Variants in MGAT4C observed in about 807,000 individuals in gnomAD.
MGAT4C encodes the protein alpha-1,3-mannosyl-glycoprotein 4-beta-N-acetylglucosaminyltransferase C.
MGAT4C carries 19 observed loss-of-function variants against 40.1 expected under a neutral mutation model. The observed-to-expected ratio is 0.47, with a 90% CI of 0.33 to 0.70. MGAT4C has a LOEUF of 0.70. Ranked by LOEUF, MGAT4C falls within the 30% of genes least tolerant of loss-of-function variation. MGAT4C has a pLI of 0.02. For missense variants in MGAT4C, 491 were observed against 563.2 expected (o/e 0.87, Z 1.30); for synonymous variants, 181 against 187.1 (o/e 0.97, Z 0.27).
Position 86,232,868 on chromosome 12 carries a change from A to G in MGAT4C, c.-57+23371T>C, listed in dbSNP as rs76495664. ...ACTGGGAATGTCACCACTTGCTAAC[A>G]CAGAACACCTATATCTGGAGTCTGT... On this transcript the variant is annotated intron_variant, in intron 1 of 4. Coordinates refer to ENST00000611864, the MANE Select transcript of MGAT4C (RefSeq NM_001351288.2). Among the ~76,000 whole-genome samples, 191 of 152,324 alleles carry G rather than the reference A, an allele frequency of 1.3e-3. 3 individuals carry two copies. In the East Asian group the frequency reaches 0.026, roughly 20 times the overall value.
chr12:86,065,445 C>G (rs892783786), intron 1 of MGAT4C, among the ~76,000 whole-genome samples: 2 of 152,232 alleles, frequency 1.3e-5, no homozygotes, highest in Middle Eastern at 3.4e-3. Flanking sequence ...ATAAACAGAA[C>G]CAATGACAAA....
rs558959777 is a variant in MGAT4C, at chr12:86,275,895, T to C, written c.-57+58170A>G. 5.3e-5 allele frequency among the ~76,000 whole-genome samples: 7 copies of C among 132,520 alleles called. No individual in the cohort carries two copies. In the Admixed American group the frequency reaches 6.4e-4, roughly 12 times the overall value. The allele number at this position is 132,520 out of a possible 152,430, so 86.9% of individuals were successfully genotyped here. A position where few individuals can be genotyped will look rare whatever the true frequency, so the allele number is the denominator to read the frequency against. ...GGCGGCGGATCACGACGTCAGGAGA[T>C]CGAGACCATTTTGGCTAACACGGTG... On this transcript the variant is annotated intron_variant, in intron 4 of 7. Coordinates refer to the MGAT4C transcript ENST00000548651.
chr12:85,990,483 T>G (rs780954229), intron 2 of MGAT4C, among the ~76,000 whole-genome samples: 12 of 152,166 alleles, frequency 7.9e-5, no homozygotes, highest in Non-Finnish European at 1.8e-4. Flanking sequence ...ATCTTTATGA[T>G]GAAGTATTTA....
At chr12:86,348,905 TTAA>T (rs1955098541) in intron 3 of MGAT4C, among the ~76,000 whole-genome samples, 1 of 152,066 alleles carries the variant, frequency 6.6e-6, no homozygotes, top group Non-Finnish European at 1.5e-5. Flanking sequence ...AGATTTTATT[TTAA>T]ATAATTATTA....
chr12:86,636,632 G>T (rs1161875533), intron 2 of MGAT4C, among the ~76,000 whole-genome samples: 1 of 151,964 alleles, frequency 6.6e-6, no homozygotes, highest in South Asian at 2.1e-4. Flanking sequence ...GATTGGGAAA[G>T]ATATTTTCAG....
At chr12:86,775,518 C>A (rs777647724) in intron 1 of MGAT4C, among the ~76,000 whole-genome samples, 1 of 151,182 alleles carries the variant, frequency 6.6e-6, no homozygotes, top group Non-Finnish European at 1.5e-5. Context: ...CCTGGCTTGC[C>A]AGGAGGTGAA....
At chr12:86,700,174 C>T (rs61949576) in intron 2 of MGAT4C, among the ~76,000 whole-genome samples, 110,267 of 139,868 alleles carry the variant, frequency 0.79, 43,502 homozygotes, top group Middle Eastern at 0.88. Context: ...GACAGACAGA[C>T]AGACAGATAG....
intron 3 of MGAT4C, among the ~76,000 whole-genome samples, chr12:86,376,963 T>C (rs774844917): frequency 1.1e-4 from 17 of 152,098 alleles, no homozygotes; most frequent in Non-Finnish European, 1.9e-4. Flanking sequence ...ACTTTATTCT[T>C]CTCTTCAACC....
chr12:86,384,614 G>A (rs1279097766), intron 3 of MGAT4C, among the ~76,000 whole-genome samples: 4 of 152,086 alleles, frequency 2.6e-5, no homozygotes, highest in Non-Finnish European at 4.4e-5. Context: ...TTCTTCCGTT[G>A]GGAGAATAAC....
At chr12:86,142,362 G>A (rs1882954060) in intron 1 of MGAT4C, among the ~76,000 whole-genome samples, 1 of 152,140 alleles carries the variant, frequency 6.6e-6, no homozygotes, top group African/African-American at 2.4e-5. Flanking sequence ...CCCTTGTGAA[G>A]AGGTCAGTGT....
At chr12:86,350,093 G>A (rs1179908074) in intron 3 of MGAT4C, among the ~76,000 whole-genome samples, 1 of 152,024 alleles carries the variant, frequency 6.6e-6, no homozygotes, top group Non-Finnish European at 1.5e-5. Context: ...CAAATTCTTT[G>A]AAGGGGAAAC....
At chr12:86,818,001 ACCTAGTAC>A (rs1952637168) in intron 1 of MGAT4C, among the ~76,000 whole-genome samples, 7 of 151,434 alleles carry the variant, frequency 4.6e-5, no homozygotes. Context: ...AGAACTATAA[ACCTAGTAC>A]CCTACTTGCA....
In MGAT4C at chr12:85,970,970, G is replaced by A. The variant is rs1883593731; in HGVS notation, c.*8319C>T. 1.3e-5 allele frequency: 2 copies of A among 151,066 alleles called. No individual in the cohort carries two copies. The highest frequency in any genetic ancestry group is 3.0e-5 in the Non-Finnish European group (2 of 67,310). 9.4% of individuals were successfully genotyped at this position (151,066 alleles called of 1,614,324 possible). ...AGTTAAAATGAAAAAGTGGTATGAG[G>A]ACTATTGTTTGTGTTAAGTGAAATT... On this transcript the variant is annotated 3_prime_UTR_variant, in exon 5 of 5. Transcript: ENST00000611864.
intron 1 of MGAT4C, among the ~76,000 whole-genome samples, chr12:86,198,501 T>G (rs1235413380): frequency 6.6e-6 from 1 of 152,206 alleles, no homozygotes; most frequent in Non-Finnish European, 1.5e-5. Flanking sequence ...TTATGATATG[T>G]TTTTCTCGCA....
At chr12:86,129,046 C>G (rs1007236444) in intron 1 of MGAT4C, among the ~76,000 whole-genome samples, 2 of 152,080 alleles carry the variant, frequency 1.3e-5, no homozygotes, top group African/African-American at 4.8e-5. Context: ...ACATTCACCT[C>G]TGAGCAAGAG....
At chr12:86,236,019 C>T (rs113811863) in intron 1 of MGAT4C, among the ~76,000 whole-genome samples, 1 of 152,064 alleles carries the variant, frequency 6.6e-6, no homozygotes, top group South Asian at 2.1e-4. Flanking sequence ...CAGCTGTATA[C>T]AAAAATCTGT....
intron 3 of MGAT4C, among the ~76,000 whole-genome samples, chr12:86,420,626 C>T (rs889582025): frequency 3.3e-5 from 5 of 151,944 alleles, no homozygotes; most frequent in Admixed American, 2.0e-4. Context: ...TTAAGAACCA[C>T]ATTTTGCTTT....
intron 4 of MGAT4C, among the ~76,000 whole-genome samples, chr12:86,266,364 C>T (rs531706886): frequency 6.6e-6 from 1 of 152,224 alleles, no homozygotes; most frequent in African/African-American, 2.4e-5. Flanking sequence ...TGAATTTTAT[C>T]AAGTGCTTTA....
At chr12:86,256,711 G>GT (rs1299863808), upstream of MGAT4C, among the ~76,000 whole-genome samples, 1 of 152,032 alleles carries the variant, frequency 6.6e-6, no homozygotes, top group Non-Finnish European at 1.5e-5. Context: ...TTTATAAAAG[G>GT]TATTTGACAG....
Sources: gnomAD v4.1 joint callset for allele counts (sites outside exome capture counted in the v4.1 genomes callset) on GRCh38, gnomAD v4.1.1 for gene constraint, MANE v1.5 for transcripts, NCBI Gene and HGNC (gene_info 2026-07-23, HGNC 2026-07-21) for gene names.